The following MARCHF1 variants were observed in gnomAD, a reference collection of about 807,000 sequenced individuals.
MARCHF1 encodes E3 ubiquitin-protein ligase MARCHF1.
A neutral mutation model predicts 54.2 loss-of-function variants in MARCHF1; 40 were observed. The observed-to-expected ratio is 0.74, with a 90% CI of 0.57 to 0.96. The LOEUF (loss-of-function observed/expected upper bound fraction) is 0.96, where lower values mean the gene tolerates loss of function less well. MARCHF1 is among the 40% of genes least tolerant of loss of function. The pLI is 0.00. For synonymous variants in MARCHF1, 236 were observed against 236.3 expected (o/e 1.00, Z 0.01); for missense variants, 586 against 656.5 (o/e 0.89, Z 1.17).
At chr4:163,748,170 A>G (rs983526949) in intron 4 of MARCHF1, among the ~76,000 whole-genome samples, 1 of 152,160 alleles carries the variant, frequency 6.6e-6, no homozygotes, top group East Asian at 1.9e-4. Flanking sequence ...GTTATAGAAC[A>G]GCTACCTTCA....
At chr4:163,985,332 A>G (rs577282039) in intron 3 of MARCHF1, among the ~76,000 whole-genome samples, 28 of 152,120 alleles carry the variant, frequency 1.8e-4, no homozygotes, top group Non-Finnish European at 2.9e-4. Flanking sequence ...CCCTTCTCTA[A>G]CCCTTAATAT....
At chr4:163,656,940 G>A (rs2111087861) in intron 5 of MARCHF1, among the ~76,000 whole-genome samples, 1 of 152,134 alleles carries the variant, frequency 6.6e-6, no homozygotes, top group African/African-American at 2.4e-5. Context: ...CAGGCCCACA[G>A]CCAATATCAT....
intron 4 of MARCHF1, among the ~76,000 whole-genome samples, chr4:163,732,050 T>A (rs1195265785): frequency 6.6e-6 from 1 of 152,108 alleles, no homozygotes; most frequent in Non-Finnish European, 1.5e-5. Context: ...TTACTAGGTA[T>A]GCAAAGAAGT....
intron 4 of MARCHF1, among the ~76,000 whole-genome samples, chr4:163,709,948 G>A (rs1209061866): frequency 6.6e-6 from 1 of 152,156 alleles, no homozygotes; most frequent in Non-Finnish European, 1.5e-5. Context: ...AGATGTGCTA[G>A]AAAGATAATA....
chr4:164,280,258 T>C (rs1733993259), intron 1 of MARCHF1, among the ~76,000 whole-genome samples: 1 of 151,974 alleles, frequency 6.6e-6, no homozygotes, highest in Non-Finnish European at 1.5e-5. Context: ...CTCAAAGTCG[T>C]GAATATAGCA....
At chr4:163,701,236 A>T (rs1297834117) in intron 4 of MARCHF1, among the ~76,000 whole-genome samples, 1 of 152,172 alleles carries the variant, frequency 6.6e-6, no homozygotes, top group Non-Finnish European at 1.5e-5. Flanking sequence ...GTTTGAGTCA[A>T]TTCTGGTTTT....
intron 1 of MARCHF1, among the ~76,000 whole-genome samples, chr4:164,161,204 T>A (rs561224128): frequency 6.6e-6 from 1 of 152,120 alleles, no homozygotes; most frequent in African/African-American, 2.4e-5. Flanking sequence ...TGATAGGGAG[T>A]GAGTTGTTCT....
intron 4 of MARCHF1, among the ~76,000 whole-genome samples, chr4:163,785,483 G>A (rs1328459504): frequency 1.3e-5 from 2 of 151,808 alleles, no homozygotes; most frequent in Non-Finnish European, 2.9e-5. Flanking sequence ...TTCCCATGTA[G>A]CCAGAATCAA....
intron 1 of MARCHF1, among the ~76,000 whole-genome samples, chr4:164,312,319 C>CTTTTTTTTTTTTTTT (rs34613860): frequency 9.7e-6 from 1 of 103,442 alleles, no homozygotes; most frequent in Non-Finnish European, 1.9e-5. Flanking sequence ...TTTTCTTTTT[C>CTTTTTTTTTTTTTTT]TTTTTTTTTT....
intron 1 of MARCHF1, among the ~76,000 whole-genome samples, chr4:164,175,598 T>A (rs189533491): frequency 3.9e-5 from 6 of 152,346 alleles, no homozygotes; most frequent in African/African-American, 1.2e-4. Context: ...ATCAGAAGAC[T>A]CTAAAGTAAA....
At chr4:163,871,989 T>A (rs1298644669) in intron 3 of MARCHF1, among the ~76,000 whole-genome samples, 3 of 152,222 alleles carry the variant, frequency 2.0e-5, no homozygotes, top group Non-Finnish European at 4.4e-5. Context: ...TTAGTCAAGA[T>A]GTAGCTTCAA....
At chr4:164,224,754 TAGTC>T (rs1221942527) in intron 1 of MARCHF1, among the ~76,000 whole-genome samples, 1 of 152,020 alleles carries the variant, frequency 6.6e-6, no homozygotes, top group African/African-American at 2.4e-5. Flanking sequence ...GTGCAATTCT[TAGTC>T]ATTTATTTAA....
At chr4:164,061,573 C>T (rs979261171) in intron 2 of MARCHF1, among the ~76,000 whole-genome samples, 3 of 148,770 alleles carry the variant, frequency 2.0e-5, no homozygotes, top group Non-Finnish European at 4.5e-5. Flanking sequence ...GGAGATATAC[C>T]TAATGCTAAA....
chr4:163,661,737 A>T (rs1332146816), intron 5 of MARCHF1, among the ~76,000 whole-genome samples: 2 of 152,032 alleles, frequency 1.3e-5, no homozygotes, highest in Non-Finnish European at 2.9e-5. Context: ...TCAATCACCC[A>T]CAAGTATTTT....
chr4:164,015,795 A>C (rs1320726089), intron 2 of MARCHF1, among the ~76,000 whole-genome samples: 2 of 152,160 alleles, frequency 1.3e-5, no homozygotes, highest in East Asian at 3.8e-4. Flanking sequence ...TATATCCGAA[A>C]GACAAGCAAT....
chr4:164,124,385 T>C (rs1351058865), intron 1 of MARCHF1, among the ~76,000 whole-genome samples: 3 of 152,000 alleles, frequency 2.0e-5, no homozygotes, highest in Non-Finnish European at 4.4e-5. Flanking sequence ...CTCAAAAAAC[T>C]AAAAATTGAG....
intron 2 of MARCHF1, among the ~76,000 whole-genome samples, chr4:164,090,770 C>G (rs2111131723): frequency 6.6e-6 from 1 of 152,042 alleles, no homozygotes; most frequent in African/African-American, 2.4e-5. Flanking sequence ...AGACAGACAC[C>G]AAGGTGGCAA....
chr4:164,185,788 TCACACA>T (rs201883110), intron 1 of MARCHF1, among the ~76,000 whole-genome samples: 1 of 144,592 alleles, frequency 6.9e-6, no homozygotes, highest in Non-Finnish European at 1.5e-5. Context: ...TTAAAACTAG[TCACACA>T]CACACACACA....
intron 4 of MARCHF1, among the ~76,000 whole-genome samples, chr4:163,723,021 T>G (rs1561040328): frequency 6.6e-6 from 1 of 152,234 alleles, no homozygotes; most frequent in Non-Finnish European, 1.5e-5. Flanking sequence ...TTAGCCCATT[T>G]ACATTTAAGG....
Sources: gnomAD v4.1 joint callset for allele counts (sites outside exome capture counted in the v4.1 genomes callset) on GRCh38, gnomAD v4.1.1 for gene constraint, MANE v1.5 for transcripts, NCBI Gene and HGNC (gene_info 2026-07-23, HGNC 2026-07-21) for gene names.